Variants in PDGFD observed in about 807,000 individuals in gnomAD.
The protein encoded by PDGFD is platelet derived growth factor D, also known as platelet-derived growth factor D.
PDGFD carries 30 observed loss-of-function variants against 44.7 expected under a neutral mutation model. The ratio of observed to expected loss-of-function variants is 0.67; its 90% CI spans 0.50 to 0.91. The LOEUF is 0.91. PDGFD is among the 40% of genes least tolerant of loss of function. PDGFD has a pLI of 0.00. For synonymous variants in PDGFD, 173 were observed against 168.4 expected, an observed-to-expected ratio of 1.03 and a Z score of -0.21; for missense variants, 445 against 457.8, an observed-to-expected ratio of 0.97 and a Z score of 0.25.
intron 1 of PDGFD, among the ~76,000 whole-genome samples, chr11:104,068,213 T>TA (rs1195880873): frequency 6.6e-6 from 1 of 152,174 alleles, no homozygotes; most frequent in African/African-American, 2.4e-5. Context: ...ATGTCTCCAT[T>TA]ACAGAGTTTA....
chr11:103,916,133 A>C (rs117272431), intron 6 of PDGFD, among the ~76,000 whole-genome samples: 68,225 of 151,552 alleles, frequency 0.45, 15,399 homozygotes, highest in African/African-American at 0.47. Context: ...GCAAAAAAAA[A>C]CTGTCATCAG....
At chr11:104,145,410 G>A (rs1292819877) in intron 1 of PDGFD, among the ~76,000 whole-genome samples, 1 of 152,148 alleles carries the variant, frequency 6.6e-6, no homozygotes, top group Non-Finnish European at 1.5e-5. Context: ...GCCAGTTAAT[G>A]TAGGGTTTTA....
At chr11:104,132,223 G>A (rs925539660) in intron 1 of PDGFD, among the ~76,000 whole-genome samples, 2 of 151,732 alleles carry the variant, frequency 1.3e-5, no homozygotes, top group African/African-American at 4.8e-5. Context: ...TACTTATCTA[G>A]GTAAAACTAT....
chr11:104,042,382 G>A (rs192908296), intron 1 of PDGFD, among the ~76,000 whole-genome samples: 1 of 152,270 alleles, frequency 6.6e-6, no homozygotes, highest in East Asian at 1.9e-4. Context: ...AAAAAATGGA[G>A]CTTGCAGTCT....
intron 1 of PDGFD, among the ~76,000 whole-genome samples, chr11:104,093,985 G>T (rs1861247441): frequency 6.6e-6 from 1 of 151,038 alleles, no homozygotes; most frequent in Non-Finnish European, 1.5e-5. Context: ...GCTTACATGT[G>T]CTGCCTGCCT....
At chr11:103,984,842 A>G (rs1859330376) in intron 3 of PDGFD, among the ~76,000 whole-genome samples, 1 of 143,118 alleles carries the variant, frequency 7.0e-6, no homozygotes, top group Admixed American at 7.2e-5. Context: ...ATATTAATTT[A>G]TTTAATATAT....
At chr11:103,952,826 T>C (rs760780093) in intron 3 of PDGFD, among the ~76,000 whole-genome samples, 2 of 152,220 alleles carry the variant, frequency 1.3e-5, no homozygotes, top group Non-Finnish European at 2.9e-5. Context: ...TTCATAATTA[T>C]ATTTTGGCAG....
intron 1 of PDGFD, among the ~76,000 whole-genome samples, chr11:104,119,621 GTAT>G (rs1230722025): frequency 1.2e-5 from 1 of 80,080 alleles, no homozygotes; most frequent in Non-Finnish European, 2.1e-5. Flanking sequence ...AATATATTAT[GTAT>G]TATATTAATA....
intron 3 of PDGFD, among the ~76,000 whole-genome samples, chr11:103,992,539 C>T (rs1174269410): frequency 6.6e-6 from 1 of 152,164 alleles, no homozygotes; most frequent in Non-Finnish European, 1.5e-5. Context: ...TAATATTGCA[C>T]CATTCCTAAT....
intron 1 of PDGFD, among the ~76,000 whole-genome samples, chr11:104,072,549 T>A (rs180786370): frequency 6.6e-6 from 1 of 152,006 alleles, no homozygotes; most frequent in Admixed American, 6.5e-5. Flanking sequence ...TTCAAGTTCT[T>A]ATGCTTCCAA....
At chr11:104,121,058 T>G (rs1308488249) in intron 1 of PDGFD, among the ~76,000 whole-genome samples, 2 of 152,018 alleles carry the variant, frequency 1.3e-5, no homozygotes, top group East Asian at 3.9e-4. Flanking sequence ...ATTTCCTATT[T>G]AATCCAACAA....
intron 3 of PDGFD, among the ~76,000 whole-genome samples, chr11:103,955,205 A>AC (rs1858823149): frequency 7.5e-6 from 1 of 133,206 alleles, no homozygotes; most frequent in Non-Finnish European, 1.7e-5. Flanking sequence ...AAAAAAAAAA[A>AC]AAAACAGTAA....
intron 1 of PDGFD, among the ~76,000 whole-genome samples, chr11:104,050,650 A>T (rs1860519481): frequency 6.6e-6 from 1 of 152,120 alleles, no homozygotes; most frequent in East Asian, 1.9e-4. Flanking sequence ...ACACCCAGAA[A>T]TGTGTGGGGC....
intron 1 of PDGFD, among the ~76,000 whole-genome samples, chr11:104,122,492 C>T (rs1049884516): frequency 3.3e-5 from 5 of 151,906 alleles, no homozygotes; most frequent in African/African-American, 1.2e-4. Flanking sequence ...TCTATAAACC[C>T]CCTTGCATTT....
chr11:104,163,024 C>T lies in PDGFD; in HGVS notation c.124+780G>A, dbSNP rs181438572. Among the ~76,000 whole-genome samples the T allele has an allele frequency of 2.0e-5, 3 of 152,290 alleles. No individual in the cohort carries two copies. The East Asian group carries it at 5.8e-4, about 29-fold the overall frequency. ...CTGGAACCAGTGACCCAGGTGTCCT[C>T]TAGAGTAAAGGAAAACAAACAAGCT... is the stretch of plus-strand genomic sequence containing the variant. On this transcript the variant is annotated intron_variant, in intron 1 of 6. Transcript: ENST00000393158.
At position 104,040,060 on chromosome 11, in the gene PDGFD, G is replaced by A. The variant is rs139245001; in HGVS notation, c.125-39805C>T. ...TTCTTATTTTGAGCTGAAATCTACT[G>A]TCCCATAACTTCCAGTAAGTTGGTC... On this transcript the variant is annotated intron_variant, in intron 1 of 6. Coordinates refer to ENST00000393158, the MANE Select transcript of PDGFD (RefSeq NM_025208.5). Among the ~76,000 whole-genome samples the A allele has an allele frequency of 8.5e-5, 13 of 152,196 alleles. No homozygotes were observed. The East Asian group carries it at 2.5e-3, about 29-fold the overall frequency.
At chr11:103,936,776 AG>A (rs1337354223) in intron 5 of PDGFD, among the ~76,000 whole-genome samples, 19 of 152,036 alleles carry the variant, frequency 1.2e-4, no homozygotes, top group African/African-American at 4.3e-4. Flanking sequence ...TTTAGTATCA[AG>A]ATGTTTACTG....
intron 3 of PDGFD, among the ~76,000 whole-genome samples, chr11:103,989,018 C>A (rs652446): frequency 0.56 from 85,143 of 151,680 alleles, 24,793 homozygotes; most frequent in African/African-American, 0.71. Flanking sequence ...TACTATTATT[C>A]ATCTTATTAT....
At chr11:104,135,926 C>T (rs534041177) in intron 1 of PDGFD, among the ~76,000 whole-genome samples, 2 of 151,980 alleles carry the variant, frequency 1.3e-5, no homozygotes, top group African/African-American at 2.4e-5. Flanking sequence ...GCTCCAAGAG[C>T]TTTGGAAAGA....
Sources: gnomAD v4.1 joint callset for allele counts (sites outside exome capture counted in the v4.1 genomes callset) on GRCh38, gnomAD v4.1.1 for gene constraint, MANE v1.5 for transcripts, NCBI Gene and HGNC (gene_info 2026-07-23, HGNC 2026-07-21) for gene names.